The following SLC19A2 variants were observed in gnomAD, a reference collection of about 807,000 sequenced individuals.
SLC19A2 encodes the protein solute carrier family 19 member 2.
SLC19A2 carries 27 observed loss-of-function variants against 44.7 expected under a neutral mutation model. That is an observed-to-expected ratio of 0.60 (90% CI 0.45 to 0.83). SLC19A2 has a LOEUF of 0.83. Ranked by LOEUF, SLC19A2 falls within the 40% of genes least tolerant of loss-of-function variation. SLC19A2 has a pLI of 0.00. For synonymous variants in SLC19A2, 239 were observed against 243.6 expected, an observed-to-expected ratio of 0.98 and a Z score of 0.18; for missense variants, 566 against 613.7, an observed-to-expected ratio of 0.92 and a Z score of 0.82.
At chr1:169,479,799 CTT>C (rs1658404845) in intron 1 of SLC19A2, among the ~76,000 whole-genome samples, 1 of 152,202 alleles carries the variant, frequency 6.6e-6, no homozygotes, top group South Asian at 2.1e-4. Context: ...TAATCCCAGA[CTT>C]TTACATTCTG....
At chr1:169,467,354 G>A (rs73051107) in intron 5 of SLC19A2, among the ~76,000 whole-genome samples, 4,201 of 152,188 alleles carry the variant, frequency 0.028, 167 homozygotes, top group African/African-American at 0.094. Context: ...CACTTGACAC[G>A]TAGAGGCACT....
chr1:169,483,005 A>G (rs930438119), intron 1 of SLC19A2, among the ~76,000 whole-genome samples: 1 of 152,268 alleles, frequency 6.6e-6, no homozygotes, highest in African/African-American at 2.4e-5. Flanking sequence ...GTTTTTAGAG[A>G]TAAAGATCTG....
intron 1 of SLC19A2, among the ~76,000 whole-genome samples, chr1:169,479,404 T>C (rs1420239992): frequency 6.6e-6 from 1 of 152,244 alleles, no homozygotes; most frequent in Non-Finnish European, 1.5e-5. Flanking sequence ...ATCTTTAAAA[T>C]AAACTTTAAA....
intron 3 of SLC19A2, among the ~76,000 whole-genome samples, chr1:169,469,381 C>T (rs1184140103): frequency 1.3e-5 from 2 of 152,216 alleles, no homozygotes; most frequent in South Asian, 2.1e-4. Context: ...TAGAAATGAA[C>T]AATAGAGTAA....
Position 169,483,787 on chromosome 1 carries a change from C to T in SLC19A2, c.204+1776G>A, listed in dbSNP as rs192448115. On this transcript the variant is annotated intron_variant, in intron 1 of 5. Coordinates refer to ENST00000236137, the MANE Select transcript of SLC19A2 (RefSeq NM_006996.3). ...CCCTGTGTTTCACTATCCGGAAAGG[C>T]GCACAAACTGTGCAGATCACATGGC... Among the ~76,000 whole-genome samples, 22 of 152,312 alleles carry T rather than the reference C, an allele frequency of 1.4e-4. No homozygotes were observed. In the South Asian group the frequency reaches 2.5e-3, roughly 17 times the overall value.
At chr1:169,473,734 G>GTGA (rs1364392083) in intron 2 of SLC19A2, among the ~76,000 whole-genome samples, 17 of 151,694 alleles carry the variant, frequency 1.1e-4, no homozygotes, top group Admixed American at 6.6e-4. Context: ...AACAGGAGGT[G>GTGA]TGATGATGAT....
chr1:169,469,073 A>G, intron 3 of SLC19A2: 1 of 526,518 alleles, frequency 1.9e-6, no homozygotes, highest in Non-Finnish European at 3.4e-6. Flanking sequence ...ATGAAAATGC[A>G]GGACAAAGAC....
At chr1:169,482,557 T>C (rs1469748330) in intron 1 of SLC19A2, among the ~76,000 whole-genome samples, 1 of 152,012 alleles carries the variant, frequency 6.6e-6, no homozygotes, top group Non-Finnish European at 1.5e-5. Flanking sequence ...TAAACTGAGA[T>C]CCTCAGCTCT....
intron 2 of SLC19A2, among the ~76,000 whole-genome samples, chr1:169,476,759 T>G (rs1032893075): frequency 2.6e-5 from 4 of 152,018 alleles, no homozygotes; most frequent in Admixed American, 2.0e-4. Context: ...GGGCTTCAAT[T>G]CAGAAACTAG....
At chr1:169,480,403 C>T (rs1445172777) in intron 1 of SLC19A2, among the ~76,000 whole-genome samples, 1 of 151,994 alleles carries the variant, frequency 6.6e-6, no homozygotes, top group African/African-American at 2.4e-5. Flanking sequence ...ACCTCTGCCT[C>T]CTGAGTTCAA....
upstream of SLC19A2, chr1:169,485,961 C>T (rs72542443): frequency 9.1e-6 from 6 of 660,102 alleles, no homozygotes; most frequent in Non-Finnish European, 1.5e-5. Flanking sequence ...GCTGCCTGAT[C>T]GCCCAGTTTA....
At chr1:169,479,556 G>A (rs1024192776) in intron 1 of SLC19A2, among the ~76,000 whole-genome samples, 2 of 152,202 alleles carry the variant, frequency 1.3e-5, no homozygotes, top group African/African-American at 4.8e-5. Flanking sequence ...GACACAACAT[G>A]TAAATTACTT....
intron 2 of SLC19A2, among the ~76,000 whole-genome samples, chr1:169,472,227 G>A (rs1200469694): frequency 2.0e-5 from 3 of 152,196 alleles, no homozygotes; most frequent in Non-Finnish European, 4.4e-5. Flanking sequence ...ATTTTCATAA[G>A]TCTTTATTCA....
chr1:169,484,906 TAA>T (rs1658519793), intron 1 of SLC19A2, among the ~76,000 whole-genome samples: 1 of 152,196 alleles, frequency 6.6e-6, no homozygotes, highest in Non-Finnish European at 1.5e-5. Context: ...AGAAACACTA[TAA>T]TTAAAAGTCA....
At chr1:169,474,550 C>A (rs1272063879) in intron 2 of SLC19A2, among the ~76,000 whole-genome samples, 1 of 152,114 alleles carries the variant, frequency 6.6e-6, no homozygotes, top group East Asian at 1.9e-4. Context: ...TTAAAAATAA[C>A]TCACAAATAC....
At position 169,477,161 on chromosome 1, in the gene SLC19A2, C is replaced by T. The variant is rs1658339146; in HGVS notation, c.801G>A (p.Glu267=). ...TATTTAAGGCTGAGCTTACCGGTTC[C>T]TCCACGGGAGGCTCCTCCATATTTA... ...IPLNMEEPPV[E]EPEPKPDRLL... The change falls in exon 2 of 6, where the codon GAG becomes GAA. Residue 267 remains glutamate (E), a synonymous_variant. Transcript: ENST00000236137. 6.2e-7 allele frequency: 1 copy of T among 1,613,606 alleles called. No individual in the cohort carries two copies. Among genetic ancestry groups the T allele is most frequent in the Non-Finnish European group, 8.5e-7 (1 of 1,179,890 alleles).
intron 2 of SLC19A2, 80 bp from the exon 3 acceptor site, chr1:169,470,266 C>T (rs1278825479): frequency 8.6e-7 from 1 of 1,157,382 alleles, no homozygotes. Context: ...CAATTACTTA[C>T]CTAACAGACT....
chr1:169,476,918 G>C (rs1449831856), intron 2 of SLC19A2, among the ~76,000 whole-genome samples: 3 of 152,094 alleles, frequency 2.0e-5, no homozygotes, highest in Non-Finnish European at 2.9e-5. Flanking sequence ...ATATAATGCT[G>C]TATCAGTCTG....
intron 1 of SLC19A2, among the ~76,000 whole-genome samples, chr1:169,478,826 C>G (rs1658385172): frequency 6.6e-6 from 1 of 151,814 alleles, no homozygotes; most frequent in South Asian, 2.1e-4. Context: ...ACTCAGGAGG[C>G]TGAGGTGGGA....
Sources: allele counts gnomAD v4.1 joint callset (sites outside exome capture counted in the v4.1 genomes callset), GRCh38; gene constraint gnomAD v4.1.1; transcripts MANE v1.5; gene names NCBI Gene and HGNC (gene_info 2026-07-23, HGNC 2026-07-21).